RPSA2: variants seen among roughly 807,000 people sequenced by gnomAD.
RPSA2 encodes the protein small ribosomal subunit protein uS2B.
At chr19:23,766,142 CCT>C in the RPSA2 span, among the ~76,000 whole-genome samples, 3,957 of 43,176 alleles carry the variant, frequency 0.092, 1,399 homozygotes, top group South Asian at 0.22. Flanking sequence ...TATTTCATTT[CCT>C]TTTTTTTTTT....
chr19:23,861,421 G>A, the RPSA2 span, among the ~76,000 whole-genome samples: 1 of 152,090 alleles, frequency 6.6e-6, no homozygotes, highest in African/African-American at 2.4e-5. Flanking sequence ...CAACAGAATT[G>A]TAGAATCCAT....
At chr19:23,785,648 G>A in the RPSA2 span, among the ~76,000 whole-genome samples, 17 of 149,898 alleles carry the variant, frequency 1.1e-4, no homozygotes, top group South Asian at 3.6e-3. Context: ...CTCCTGTCTG[G>A]TCCCTGCCCT....
chr19:23,793,218 T>C, the RPSA2 span, among the ~76,000 whole-genome samples: 251 of 146,866 alleles, frequency 1.7e-3, no homozygotes, highest in Middle Eastern at 3.6e-3. Flanking sequence ...TTCTTTTTTT[T>C]TTTTTTTTTT....
chr19:23,850,147 T>C, the RPSA2 span, among the ~76,000 whole-genome samples: 1 of 151,420 alleles, frequency 6.6e-6, no homozygotes, highest in Non-Finnish European at 1.5e-5. Context: ...GCTCCAGGCA[T>C]CCACACACTA....
the RPSA2 span, among the ~76,000 whole-genome samples, chr19:23,851,754 G>A: frequency 6.6e-5 from 10 of 152,246 alleles, no homozygotes; most frequent in East Asian, 9.7e-4. Flanking sequence ...ACGCTGTAAC[G>A]GCCTCAGGAA....
chr19:23,810,586 T>C, the RPSA2 span, among the ~76,000 whole-genome samples: 23 of 152,124 alleles, frequency 1.5e-4, no homozygotes, highest in Non-Finnish European at 2.6e-4. Context: ...TGGCTTTCAC[T>C]GAGTACAAGA....
the RPSA2 span, among the ~76,000 whole-genome samples, chr19:23,761,021 ATATATACACATATATATAGGG>A: frequency 8.8e-6 from 1 of 113,318 alleles, no homozygotes; most frequent in Non-Finnish European, 1.7e-5. Context: ...GTGTGTATAT[ATATATACACATATATATAGGG>A]TATATATGTG....
chr19:23,841,470 C>T, the RPSA2 span, among the ~76,000 whole-genome samples: 1 of 152,128 alleles, frequency 6.6e-6, no homozygotes, highest in African/African-American at 2.4e-5. Flanking sequence ...TCTCAAAAAA[C>T]AAAACAAAAA....
chr19:23,805,618 A>C, the RPSA2 span, among the ~76,000 whole-genome samples: 88 of 152,198 alleles, frequency 5.8e-4, no homozygotes, highest in Non-Finnish European at 1.1e-3. Context: ...TGCAGGTATA[A>C]TTAGTCCAGA....
the RPSA2 span, among the ~76,000 whole-genome samples, chr19:23,760,999 G>T: frequency 1.4e-5 from 1 of 70,376 alleles, no homozygotes; most frequent in Non-Finnish European, 2.7e-5. Flanking sequence ...TATATAGGGT[G>T]TATAAATATA....
the RPSA2 span, among the ~76,000 whole-genome samples, chr19:23,847,791 G>A: frequency 6.6e-6 from 1 of 152,106 alleles, no homozygotes; most frequent in Non-Finnish European, 1.5e-5. Flanking sequence ...AATTCCCAGA[G>A]CGGCCATTTA....
the RPSA2 span, chr19:23,763,017 G>C: frequency 6.6e-6 from 1 of 152,398 alleles, no homozygotes; most frequent in African/African-American, 2.4e-5. Flanking sequence ...GTTTGGGATC[G>C]GTCTCTTCTG....
chr19:23,781,379 CCCAGA>C, the RPSA2 span, among the ~76,000 whole-genome samples: 1 of 152,114 alleles, frequency 6.6e-6, no homozygotes, highest in Admixed American at 6.6e-5. Context: ...GCTCTTCTTA[CCCAGA>C]CTAGAGTGCA....
the RPSA2 span, among the ~76,000 whole-genome samples, chr19:23,783,539 CAAAAAA>C: frequency 7.6e-6 from 1 of 131,042 alleles, no homozygotes; most frequent in Non-Finnish European, 1.6e-5. Flanking sequence ...TGAGCACTGC[CAAAAAA>C]AAAAAAAAAA....
At chr19:23,797,342 T>C in the RPSA2 span, among the ~76,000 whole-genome samples, 1 of 152,132 alleles carries the variant, frequency 6.6e-6, no homozygotes, top group Non-Finnish European at 1.5e-5. Context: ...ACTCCTGACC[T>C]CATGATCTGC....
the RPSA2 span, among the ~76,000 whole-genome samples, chr19:23,828,629 TTAC>T: frequency 2.7e-5 from 4 of 150,556 alleles, no homozygotes; most frequent in African/African-American, 9.8e-5. Flanking sequence ...TCATAGAAAT[TTAC>T]TTTTAAAAAA....
At chr19:23,833,659 A>G in the RPSA2 span, among the ~76,000 whole-genome samples, 1 of 152,150 alleles carries the variant, frequency 6.6e-6, no homozygotes, top group East Asian at 1.9e-4. Context: ...ATAAAGTAAA[A>G]AAGCCATTAA....
chr19:23,824,276 G>C, the RPSA2 span, among the ~76,000 whole-genome samples: 4 of 152,290 alleles, frequency 2.6e-5, no homozygotes, highest in African/African-American at 9.6e-5. Flanking sequence ...AGGAAAACAG[G>C]AAGTTAACAA....
At chr19:23,856,421 G>A in the RPSA2 span, among the ~76,000 whole-genome samples, 5 of 152,096 alleles carry the variant, frequency 3.3e-5, no homozygotes, top group Admixed American at 2.0e-4. Flanking sequence ...TTTAACAGGA[G>A]TTTAATATAG....
Sources: gnomAD v4.1 joint callset for allele counts (sites outside exome capture counted in the v4.1 genomes callset) on GRCh38, gnomAD v4.1.1 for gene constraint, MANE v1.5 for transcripts, NCBI Gene and HGNC (gene_info 2026-07-23, HGNC 2026-07-21) for gene names.